The following ZNF573 variants were observed in gnomAD, a reference collection of about 807,000 sequenced individuals.
ZNF573 encodes zinc finger protein 573.
A neutral mutation model predicts 57.4 loss-of-function variants in ZNF573; 41 were observed. The observed-to-expected ratio is 0.71, with a 90% CI of 0.56 to 0.93. The LOEUF (loss-of-function observed/expected upper bound fraction) is 0.93, where lower values mean the gene tolerates loss of function less well. Ranked by LOEUF, ZNF573 falls within the 40% of genes least tolerant of loss-of-function variation. The pLI, the probability that ZNF573 is intolerant of heterozygous loss-of-function variation, is 0.00. For missense variants in ZNF573, 730 were observed against 794.8 expected (o/e 0.92, Z 0.98); for synonymous variants, 249 against 261.0 (o/e 0.95, Z 0.44).
chr19:37,771,735 A>C (rs2045661324), intron 2 of ZNF573, 39 bp from the exon 3 acceptor site: 1 of 1,569,460 alleles, frequency 6.4e-7, no homozygotes. Context: ...AAAACATTTT[A>C]AAGAAGGAAA....
intron 4 of ZNF573, among the ~76,000 whole-genome samples, chr19:37,743,957 AGAAG>A (rs2045352571): frequency 6.6e-6 from 1 of 152,268 alleles, no homozygotes; most frequent in East Asian, 1.9e-4. Flanking sequence ...ATGGACACAG[AGAAG>A]GGAATAACAC....
chr19:37,740,238 C>A, intron 4 of ZNF573, 44 bp from the exon 5 acceptor site: 1 of 1,490,466 alleles, frequency 6.7e-7, no homozygotes. Flanking sequence ...ATTTCTATAC[C>A]AGAGAACAAG....
At chr19:37,740,576 T>G (rs2045318127) in intron 4 of ZNF573, 1 of 459,394 alleles carries the variant, frequency 2.2e-6, no homozygotes. Flanking sequence ...CCTTTAAGTT[T>G]CTCGAGTGAT....
chr19:37,758,020 ACAT>A (rs1218371053), intron 4 of ZNF573, among the ~76,000 whole-genome samples: 1 of 150,712 alleles, frequency 6.6e-6, no homozygotes, highest in Admixed American at 6.6e-5. Flanking sequence ...AGGAAGGGGA[ACAT>A]CACACACCAC....
intron 4 of ZNF573, among the ~76,000 whole-genome samples, chr19:37,767,840 A>AAC (rs2045616525): frequency 6.6e-6 from 1 of 152,224 alleles, no homozygotes; most frequent in Non-Finnish European, 1.5e-5. Context: ...ATGAAGACAA[A>AAC]ACTTAGAGAC....
chr19:37,748,163 AT>A (rs2045399561), intron 4 of ZNF573, among the ~76,000 whole-genome samples: 1 of 152,226 alleles, frequency 6.6e-6, no homozygotes, highest in East Asian at 1.9e-4. Flanking sequence ...AATGTATACA[AT>A]GTGGTACCCC....
chr19:37,779,516 G>C (rs965201838), intron 1 of ZNF573, 28 bp downstream of exon 1: 7 of 152,232 alleles, frequency 4.6e-5, no homozygotes, highest in African/African-American at 1.4e-4. Context: ...CTCTGTGCCT[G>C]TTATATACTG....
chr19:37,739,734 C>T lies in ZNF573; in HGVS notation c.756G>A (p.Gly252=), dbSNP rs2045305604. 1 of 1,613,778 alleles carries T rather than the reference C, an allele frequency of 6.2e-7. No individual in the cohort carries two copies. The highest frequency in any genetic ancestry group is 1.7e-5 in the Admixed American group (1 of 59,980). The part of the protein sequence containing the change: ...GGKPYECQEC[G]RAFSQGGHLR... ...GATGTCCACCTTGACTAAAGGCCCT[C>T]CCACACTCCTGACATTCATACGGCT... The change falls in exon 5 of 5, where the codon GGG becomes GGA. Residue 252 remains glycine (G), a synonymous_variant. Transcript: ENST00000536220.
intron 4 of ZNF573, among the ~76,000 whole-genome samples, chr19:37,757,091 G>A (rs183201840): frequency 3.9e-5 from 6 of 152,048 alleles, no homozygotes; most frequent in African/African-American, 1.4e-4. Flanking sequence ...TTACTGAAAA[G>A]TGAAACCAAC....
intron 4 of ZNF573, among the ~76,000 whole-genome samples, chr19:37,766,421 G>A (rs1170152042): frequency 1.3e-5 from 2 of 152,188 alleles, no homozygotes; most frequent in Non-Finnish European, 2.9e-5. Flanking sequence ...GAAGTTTCTT[G>A]CAAAGGCAAA....
intron 4 of ZNF573, among the ~76,000 whole-genome samples, chr19:37,762,286 G>A (rs1184515030): frequency 6.6e-6 from 1 of 152,190 alleles, no homozygotes; most frequent in Admixed American, 6.5e-5. Flanking sequence ...GATTTGGTGA[G>A]TAAGTATGAC....
chr19:37,739,027 T>C lies in ZNF573; in HGVS notation c.1463A>G (p.His488Arg), dbSNP rs372863613. 90 of 1,613,354 alleles carry C rather than the reference T, an allele frequency of 5.6e-5. No individual in the cohort carries two copies. Among genetic ancestry groups the C allele is most frequent in the Non-Finnish European group, 7.3e-5 (86 of 1,179,780 alleles). ...AYSTGSNLIQ[H>R]RKTHTGEKPY... ...TTTCTCACCAGTATGAGTTTTCCGA[T>C]GTTGAATAAGGTTTGAGCCAGTACT... Residue 488 changes from histidine to arginine, a missense_variant, in exon 5 of 5, where the codon CAT (histidine) becomes CGT (arginine). His to Arg is a conservative substitution (Grantham distance 29). Coordinates refer to ENST00000536220, the MANE Select transcript of ZNF573 (RefSeq NM_001172690.2).
At position 37,751,946 on chromosome 19, in the gene ZNF573, T is replaced by C. The variant is rs1458632827; in HGVS notation, c.296-11752A>G. ...CATAGTACCGTATATATACTGTATA[T>C]AGTACATAGTATCGTATATATACTG... On this transcript the variant is annotated intron_variant, in intron 4 of 4. Coordinates refer to ENST00000536220, the MANE Select transcript of ZNF573 (RefSeq NM_001172690.2). 3.2e-5 allele frequency among the ~76,000 whole-genome samples: 3 copies of C among 93,900 alleles called. 1 individual carries two copies. Among genetic ancestry groups the C allele is most frequent in the Non-Finnish European group, 7.2e-5 (3 of 41,646 alleles). 61.6% of individuals were successfully genotyped at this position (93,900 alleles called of 152,430 possible). A position where few individuals can be genotyped will look rare whatever the true frequency, so the allele number is the denominator to read the frequency against.
intron 4 of ZNF573, among the ~76,000 whole-genome samples, chr19:37,753,268 G>A (rs1336599777): frequency 1.3e-5 from 2 of 151,732 alleles, no homozygotes; most frequent in Non-Finnish European, 2.9e-5. Context: ...TATATTTATG[G>A]GGTATATGAG....
chr19:37,776,800 T>C (rs911608602), intron 1 of ZNF573, among the ~76,000 whole-genome samples: 4 of 151,620 alleles, frequency 2.6e-5, no homozygotes, highest in Non-Finnish European at 4.4e-5. Context: ...AAAAAACAAA[T>C]AATCCCATCA....
At chr19:37,751,692 G>A (rs890952041) in intron 4 of ZNF573, among the ~76,000 whole-genome samples, 4 of 142,240 alleles carry the variant, frequency 2.8e-5, no homozygotes, top group East Asian at 2.1e-4. Flanking sequence ...ACATAGTACC[G>A]TATATATACT....
intron 1 of ZNF573, among the ~76,000 whole-genome samples, chr19:37,778,024 CAA>C (rs34141847): frequency 5.3e-5 from 3 of 56,128 alleles, no homozygotes. Context: ...GACTCTGTCT[CAA>C]AAAAAAAAAA....
intron 4 of ZNF573, among the ~76,000 whole-genome samples, chr19:37,757,757 G>A (rs1373677228): frequency 6.6e-6 from 1 of 152,012 alleles, no homozygotes; most frequent in East Asian, 1.9e-4. Context: ...GTTTATTGCG[G>A]CACTACTCAC....
Position 37,739,060 on chromosome 19 carries a change from T to C in ZNF573, c.1430A>G (p.Lys477Arg). 2 of 1,613,028 alleles carry C rather than the reference T, an allele frequency of 1.2e-6. No homozygotes were observed. The highest frequency in any genetic ancestry group is 1.7e-6 in the Non-Finnish European group (2 of 1,179,686). Residue 477 changes from lysine to arginine, a missense_variant, in exon 5 of 5, where the codon AAG becomes AGG. Lys to Arg is a conservative substitution (Grantham distance 26). Transcript: ENST00000536220. The part of the protein sequence containing the change: ...KKLFECQECG[K>R]AYSTGSNLIQ... ...AAGGTTTGAGCCAGTACTATAGGCC[T>C]TCCCACATTCCTGACATTCAAAAAG...
Sources: allele counts gnomAD v4.1 joint callset (sites outside exome capture counted in the v4.1 genomes callset), GRCh38; gene constraint gnomAD v4.1.1; transcripts MANE v1.5; gene names NCBI Gene and HGNC (gene_info 2026-07-23, HGNC 2026-07-21).